The following ZEB1 variants were observed in gnomAD, a reference collection of about 807,000 sequenced individuals.
The protein encoded by ZEB1 is zinc finger E-box-binding homeobox 1.
A neutral mutation model predicts 84.9 loss-of-function variants in ZEB1; 21 were observed. That is an observed-to-expected ratio of 0.25 (90% CI 0.18 to 0.36). The LOEUF (loss-of-function observed/expected upper bound fraction) is 0.36. ZEB1 is among the 10% of genes least tolerant of loss of function. The probability of loss-of-function intolerance (pLI) is 1.00; values close to 1 mark genes in which losing one functional copy is unlikely to be tolerated. For synonymous variants in ZEB1, 420 were observed against 471.1 expected (o/e 0.89, Z 1.41); for missense variants, 1,104 against 1,330.2 (o/e 0.83, Z 2.65).
intron 1 of ZEB1, among the ~76,000 whole-genome samples, chr10:31,408,699 A>G (rs1162863064): frequency 6.9e-6 from 1 of 145,342 alleles, no homozygotes; most frequent in Non-Finnish European, 1.5e-5. Context: ...CATATGTAGA[A>G]AGCTGAAACT....
intron 4 of ZEB1, among the ~76,000 whole-genome samples, chr10:31,503,741 G>C (rs745342833): frequency 6.6e-6 from 1 of 151,156 alleles, no homozygotes; most frequent in Non-Finnish European, 1.5e-5. Context: ...ATTAGTTTTT[G>C]TCTTTAATAG....
At position 31,459,180 on chromosome 10, in the gene ZEB1, A is replaced by T. The variant is rs567439899; in HGVS notation, c.59-1857A>T. ...ACCATCATAAAGTCAAAACATTGTA[A>T]ATCAAGCCATAATTAGTCAGGGACT... On this transcript the variant is annotated intron_variant, in intron 1 of 8. Transcript: ENST00000424869. Among the ~76,000 whole-genome samples, 9 of 152,246 alleles carry T rather than the reference A, an allele frequency of 5.9e-5. No homozygotes were observed. In the South Asian group the frequency reaches 1.7e-3, roughly 28 times the overall value.
At chr10:31,448,493 G>A (rs932929046) in intron 1 of ZEB1, among the ~76,000 whole-genome samples, 24 of 149,658 alleles carry the variant, frequency 1.6e-4, no homozygotes, top group Middle Eastern at 3.2e-3. Context: ...GGCACTCTGC[G>A]TTTTAGAGTT....
At chr10:31,383,965 C>CTTTTTT (rs66865546) in intron 1 of ZEB1, among the ~76,000 whole-genome samples, 1 of 56,374 alleles carries the variant, frequency 1.8e-5, no homozygotes, top group Non-Finnish European at 3.3e-5. Flanking sequence ...TAGATTAGTG[C>CTTTTTT]TTTTTTTTTT....
chr10:31,334,612 A>G (rs2037606529), intron 1 of ZEB1, among the ~76,000 whole-genome samples: 1 of 152,138 alleles, frequency 6.6e-6, no homozygotes. Flanking sequence ...AAAGTAATTC[A>G]AAAAGGAAAC....
At chr10:31,335,260 A>G (rs927757069) in intron 1 of ZEB1, among the ~76,000 whole-genome samples, 4 of 152,136 alleles carry the variant, frequency 2.6e-5, no homozygotes, top group Non-Finnish European at 5.9e-5. Context: ...TGTATATGCT[A>G]CCTGCCCATT....
chr10:31,491,361 C>T (rs746470024), intron 2 of ZEB1, among the ~76,000 whole-genome samples: 1 of 151,764 alleles, frequency 6.6e-6, no homozygotes, highest in African/African-American at 2.4e-5. Context: ...TAAATTCTTG[C>T]AGTTATCATT....
intron 1 of ZEB1, chr10:31,319,825 C>T (rs992120937): frequency 6.7e-6 from 1 of 149,006 alleles, no homozygotes; most frequent in African/African-American, 2.4e-5. Context: ...GCGCCGCGGC[C>T]CCGGCCGGCG....
At chr10:31,445,026 A>G (rs1054226240) in intron 1 of ZEB1, among the ~76,000 whole-genome samples, 3 of 150,292 alleles carry the variant, frequency 2.0e-5, no homozygotes, top group Admixed American at 2.0e-4. Flanking sequence ...TTTTCGCGAT[A>G]TTGATTCTTC....
chr10:31,390,192 G>C (rs767977067), intron 1 of ZEB1, among the ~76,000 whole-genome samples: 2 of 152,110 alleles, frequency 1.3e-5, no homozygotes, highest in African/African-American at 4.8e-5. Context: ...CTGCTTATTC[G>C]AAATTCAAAT....
rs139892509 is a variant in ZEB1, at chr10:31,434,164, T to C, written c.59-26873T>C. Among the ~76,000 whole-genome samples the C allele has an allele frequency of 5.3e-5, 8 of 152,356 alleles. No individual in the cohort carries two copies. The East Asian group carries it at 1.5e-3, about 29-fold the overall frequency. On this transcript the variant is annotated intron_variant, in intron 1 of 8. Transcript: ENST00000424869. The stretch of plus-strand genomic sequence containing the variant: ...ATTAACTATTTTGCATAAGTTATTT[T>C]TGTTGTTGATAAGTGGGCAATATGT...
intron 1 of ZEB1, among the ~76,000 whole-genome samples, chr10:31,334,732 G>A (rs545165831): frequency 2.0e-5 from 3 of 152,128 alleles, no homozygotes; most frequent in Admixed American, 2.0e-4. Flanking sequence ...ATGAAAATGG[G>A]AATGTTACTA....
intron 1 of ZEB1, among the ~76,000 whole-genome samples, chr10:31,452,734 TGTGTGTGTGAGAGAGA>T (rs1369553038): frequency 1.6e-3 from 183 of 111,026 alleles, no homozygotes; most frequent in Middle Eastern, 8.4e-3. Flanking sequence ...TGTGTGTGTG[TGTGTGTGTGAGAGAGA>T]GAGAGAGAGA....
intron 3 of ZEB1, among the ~76,000 whole-genome samples, chr10:31,496,134 T>C (rs2067201101): frequency 6.6e-6 from 1 of 152,118 alleles, no homozygotes; most frequent in Non-Finnish European, 1.5e-5. Flanking sequence ...TTTGAACTTC[T>C]ATCAAGTTTT....
At chr10:31,458,587 T>C (rs559732215) in intron 1 of ZEB1, among the ~76,000 whole-genome samples, 44 of 152,158 alleles carry the variant, frequency 2.9e-4, no homozygotes, top group African/African-American at 1.0e-3. Context: ...TTTATTGTAT[T>C]GATATACTGA....
intron 1 of ZEB1, among the ~76,000 whole-genome samples, chr10:31,332,437 T>C (rs1039118344): frequency 3.3e-5 from 5 of 152,250 alleles, no homozygotes; most frequent in Non-Finnish European, 7.3e-5. Context: ...AAAATACTCT[T>C]CATTCACTAT....
At position 31,474,956 on chromosome 10, in the gene ZEB1, C is replaced by T. The variant is rs1032369694; in HGVS notation, c.259+13719C>T. Among the ~76,000 whole-genome samples the T allele has an allele frequency of 8.6e-5, 13 of 150,788 alleles. No individual in the cohort carries two copies. In the East Asian group the frequency reaches 2.2e-3, roughly 25 times the overall value. ...AATCATCATTCTCAGTAAACTATCG[C>T]AAGAACAAAAAATCAAACACCGCAT... On this transcript the variant is annotated intron_variant, in intron 2 of 8. Transcript: ENST00000424869.
At chr10:31,327,094 C>CTTTTTTTT (rs1262423052) in intron 1 of ZEB1, among the ~76,000 whole-genome samples, 1 of 117,286 alleles carries the variant, frequency 8.5e-6, no homozygotes, top group African/African-American at 3.3e-5. Flanking sequence ...TTTTTCTTTT[C>CTTTTTTTT]TTTTCTTTTT....
At chr10:31,374,651 G>C (rs2046288126) in intron 1 of ZEB1, among the ~76,000 whole-genome samples, 1 of 151,776 alleles carries the variant, frequency 6.6e-6, no homozygotes, top group South Asian at 2.1e-4. Flanking sequence ...ATAAAGCACA[G>C]AACCTACACA....
Sources: allele counts gnomAD v4.1 joint callset (sites outside exome capture counted in the v4.1 genomes callset), GRCh38; gene constraint gnomAD v4.1.1; transcripts MANE v1.5; gene names NCBI Gene and HGNC (gene_info 2026-07-23, HGNC 2026-07-21).